Variants in PDE4D observed in about 807,000 individuals in gnomAD.
PDE4D encodes the protein 3',5'-cyclic-AMP phosphodiesterase 4D.
Under a neutral mutation model 87.4 loss-of-function variants are expected in PDE4D, and 24 were observed. The ratio of observed to expected loss-of-function variants is 0.27; its 90% confidence interval spans 0.20 to 0.39. PDE4D has a LOEUF of 0.39. PDE4D is among the 10% of genes least tolerant of loss of function. PDE4D has a pLI of 1.00. For synonymous variants in PDE4D, 384 were observed against 383.2 expected (o/e 1.00, Z -0.02); for missense variants, 714 against 1,041.0 (o/e 0.69, Z 4.32).
chr5:59,424,050 A>G (rs1039566787), intron 1 of PDE4D, among the ~76,000 whole-genome samples: 3 of 152,088 alleles, frequency 2.0e-5, no homozygotes, highest in Admixed American at 2.0e-4. Flanking sequence ...TGTACCTGCA[A>G]CTGGATAGTG....
chr5:60,450,805 C>A (rs529150071), intron 1 of PDE4D, among the ~76,000 whole-genome samples: 1 of 151,882 alleles, frequency 6.6e-6, no homozygotes, highest in African/African-American at 2.4e-5. Context: ...TAGGATGAAC[C>A]AATGATTTGA....
intron 5 of PDE4D, among the ~76,000 whole-genome samples, chr5:59,087,287 C>T (rs771918303): frequency 4.6e-5 from 7 of 152,044 alleles, no homozygotes; most frequent in Non-Finnish European, 8.8e-5. Context: ...GAGTTCGAGA[C>T]CAGCCAAGAA....
rs72644099 is a variant in PDE4D at position 60,474,118 on chromosome 5, A to G, written c.-90+13824T>C. On this transcript the variant is annotated intron_variant, in intron 1 of 16. Coordinates refer to the PDE4D transcript ENST00000502484. ...CCTTTGAGCTGCCATATATATATAT[A>G]TATATATATATATATATATATATAT... Among the ~76,000 whole-genome samples, 277 of 67,580 alleles carry G rather than the reference A, an allele frequency of 4.1e-3. 1 individual carries two copies. In the East Asian group the frequency reaches 0.041, roughly 10 times the overall value. The allele number at this position is 67,580 out of a possible 152,430, so 44.3% of individuals were successfully genotyped here.
intron 1 of PDE4D, among the ~76,000 whole-genome samples, chr5:59,479,908 A>C (rs1013130527): frequency 2.6e-5 from 4 of 152,102 alleles, no homozygotes; most frequent in Non-Finnish European, 5.9e-5. Flanking sequence ...GAGAATAATC[A>C]TGGCATATAT....
chr5:59,539,256 A>G (rs1583037320), intron 1 of PDE4D, among the ~76,000 whole-genome samples: 1 of 152,168 alleles, frequency 6.6e-6, no homozygotes, highest in East Asian at 1.9e-4. Flanking sequence ...GATATGTACA[A>G]AGACCACAGA....
At chr5:59,870,601 G>A (rs1321816852) in intron 1 of PDE4D, among the ~76,000 whole-genome samples, 1 of 152,150 alleles carries the variant, frequency 6.6e-6, no homozygotes, top group Non-Finnish European at 1.5e-5. Flanking sequence ...CCTAAGAAGG[G>A]ACTACTTACC....
intron 2 of PDE4D, among the ~76,000 whole-genome samples, chr5:59,212,358 G>C (rs966500239): frequency 6.6e-6 from 1 of 152,002 alleles, no homozygotes; most frequent in African/African-American, 2.4e-5. Flanking sequence ...TCTAGGAGTT[G>C]GTATCAAAGG....
At chr5:59,883,600 ACACCATAT>A (rs1749760518) in intron 1 of PDE4D, among the ~76,000 whole-genome samples, 1 of 152,244 alleles carries the variant, frequency 6.6e-6, no homozygotes, top group Non-Finnish European at 1.5e-5. Context: ...GAAACTGCAC[ACACCATAT>A]CACATAGCAT....
intron 1 of PDE4D, among the ~76,000 whole-genome samples, chr5:59,545,721 A>G (rs1407929206): frequency 6.6e-6 from 1 of 152,214 alleles, no homozygotes; most frequent in Admixed American, 6.5e-5. Context: ...TGCTCTCCGC[A>G]TGAAAAATTC....
chr5:59,309,656 T>G (rs1251924055), intron 1 of PDE4D, among the ~76,000 whole-genome samples: 1 of 152,154 alleles, frequency 6.6e-6, no homozygotes, highest in East Asian at 1.9e-4. Flanking sequence ...TCAGAGGGTG[T>G]GTGGGTCCTC....
At chr5:60,303,285 T>C (rs1396857683) in intron 1 of PDE4D, among the ~76,000 whole-genome samples, 1 of 151,898 alleles carries the variant, frequency 6.6e-6, no homozygotes, top group African/African-American at 2.4e-5. Flanking sequence ...TGCCATGTAA[T>C]TGTGTGGTTA....
intron 1 of PDE4D, among the ~76,000 whole-genome samples, chr5:59,368,426 T>A (rs1783429875): frequency 6.6e-6 from 1 of 152,202 alleles, no homozygotes; most frequent in African/African-American, 2.4e-5. Context: ...TGAGTGCCAT[T>A]TGAAAATGCA....
rs1029573248 is a variant in PDE4D, at chr5:59,723,010, A to G, written c.455+170158T>C. ...AGTCATGGTTCAGCCTTCTTTATAA[A>G]CTAATAATCTTACTAAATGCTTTCA... On this transcript the variant is annotated intron_variant, in intron 1 of 14. Coordinates refer to ENST00000340635, the MANE Select transcript of PDE4D (RefSeq NM_001104631.2). 3.3e-5 allele frequency among the ~76,000 whole-genome samples: 5 copies of G among 152,224 alleles called. No individual in the cohort carries two copies. The East Asian group carries it at 7.7e-4, about 24-fold the overall frequency.
chr5:59,582,586 C>A (rs1824366014), intron 1 of PDE4D, among the ~76,000 whole-genome samples: 1 of 152,048 alleles, frequency 6.6e-6, no homozygotes, highest in Non-Finnish European at 1.5e-5. Context: ...TGCTTCATTC[C>A]ATAAAGGATT....
intron 1 of PDE4D, among the ~76,000 whole-genome samples, chr5:60,326,682 A>G (rs957090705): frequency 2.0e-5 from 3 of 152,276 alleles, no homozygotes; most frequent in Middle Eastern, 6.8e-3. Flanking sequence ...GGTTTTGCCC[A>G]CACAGAGCTA....
chr5:60,219,853 G>A (rs1744291441), intron 1 of PDE4D, among the ~76,000 whole-genome samples: 1 of 152,184 alleles, frequency 6.6e-6, no homozygotes, highest in Non-Finnish European at 1.5e-5. Context: ...GATGCTTGCA[G>A]CTAAGTCAGT....
chr5:60,271,627 G>C (rs906975733), intron 1 of PDE4D, among the ~76,000 whole-genome samples: 2 of 152,022 alleles, frequency 1.3e-5, no homozygotes, highest in Admixed American at 1.3e-4. Flanking sequence ...ATGAGGAGAA[G>C]GTTTTAATAG....
chr5:59,209,966 G>A (rs1749719011), intron 2 of PDE4D, among the ~76,000 whole-genome samples: 1 of 152,164 alleles, frequency 6.6e-6, no homozygotes, highest in Non-Finnish European at 1.5e-5. Context: ...TGTTGCCTCA[G>A]GACACATTTT....
intron 1 of PDE4D, among the ~76,000 whole-genome samples, chr5:59,674,191 A>T (rs1747685317): frequency 6.6e-6 from 1 of 152,190 alleles, no homozygotes. Flanking sequence ...AAAACATATT[A>T]TTGTATTTCT....
Sources: gnomAD v4.1 joint callset for allele counts (sites outside exome capture counted in the v4.1 genomes callset) on GRCh38, gnomAD v4.1.1 for gene constraint, MANE v1.5 for transcripts, NCBI Gene and HGNC (gene_info 2026-07-23, HGNC 2026-07-21) for gene names.